EVC: variants seen among roughly 807,000 people sequenced by gnomAD.
The protein encoded by EVC is EvC ciliary complex subunit 1.
A neutral mutation model predicts 118.9 loss-of-function variants in EVC; 116 were observed. The ratio of observed to expected loss-of-function variants is 0.98; its 90% CI spans 0.84 to 1.14. The LOEUF is 1.14. EVC is among the 50% of genes most tolerant of loss of function. EVC has a pLI of 0.00. For synonymous variants in EVC, 619 were observed against 534.7 expected (o/e 1.16, Z -2.18); for missense variants, 1,401 against 1,246.4 (o/e 1.12, Z -1.87).
chr4:5,711,890 C>T (rs1358015174), intron 1 of EVC, among the ~76,000 whole-genome samples: 2 of 152,194 alleles, frequency 1.3e-5, no homozygotes, highest in Admixed American at 1.3e-4. Context: ...GACAGAAGGA[C>T]GGCTGGGGCT....
At chr4:5,774,185 C>T (rs1284286530) in intron 11 of EVC, among the ~76,000 whole-genome samples, 9 of 151,716 alleles carry the variant, frequency 5.9e-5, no homozygotes, top group Non-Finnish European at 1.2e-4. Flanking sequence ...CCATTTCTGG[C>T]TTTGTACCTC....
At position 5,733,452 on chromosome 4, in the gene EVC, G is replaced by A. The variant is rs559719173; in HGVS notation, c.702+17G>A. 8.7e-6 allele frequency: 14 copies of A among 1,603,876 alleles called. No homozygotes were observed. The highest frequency in any genetic ancestry group is 5.0e-5 in the Admixed American group (3 of 59,958). Reference sequence around the variant, plus strand: ...AAGCATATGGTAGGTGGAGATGTTCGCATTCCCTCCTTTTCATGGGGACAG... The same window carrying A: ...AAGCATATGGTAGGTGGAGATGTTCACATTCCCTCCTTTTCATGGGGACAG... On this transcript the variant is annotated intron_variant, in intron 5 of 20. Coordinates refer to ENST00000264956, the MANE Select transcript of EVC (RefSeq NM_153717.3).
intron 11 of EVC, among the ~76,000 whole-genome samples, chr4:5,774,136 C>T (rs1486088833): frequency 3.3e-5 from 5 of 151,892 alleles, no homozygotes; most frequent in Non-Finnish European, 5.9e-5. Flanking sequence ...TCCTGTGCCT[C>T]TGCAACACTC....
chr4:5,722,901 C>G (rs1171703450), intron 2 of EVC, among the ~76,000 whole-genome samples: 1 of 152,206 alleles, frequency 6.6e-6, no homozygotes, highest in East Asian at 1.9e-4. Flanking sequence ...GACACCTGAC[C>G]TTAATGAGGA....
chr4:5,812,072 C>T lies in EVC; in HGVS notation c.*1035C>T, dbSNP rs568194350. 6.8e-6 allele frequency: 1 copy of T among 148,020 alleles called. No homozygotes were observed. The highest frequency in any genetic ancestry group is 1.4e-5 in the Non-Finnish European group (1 of 71,130). The allele number at this position is 148,020 out of a possible 1,614,324, so 9.2% of individuals were successfully genotyped here. ...GAGGCCTTTACCACCTGGAGAGAAG[C>T]TTCCAGACCAGCCCCTCACACCACA... On this transcript the variant is annotated 3_prime_UTR_variant, in exon 21 of 21. Coordinates refer to ENST00000264956, the MANE Select transcript of EVC (RefSeq NM_153717.3).
chr4:5,779,169 C>G (rs987927890), intron 11 of EVC, among the ~76,000 whole-genome samples: 58 of 151,062 alleles, frequency 3.8e-4, no homozygotes, highest in Non-Finnish European at 7.4e-4. Context: ...GGCATTATTT[C>G]TGAGGGCTCT....
At chr4:5,827,578 CCA>C in the EVC span, among the ~76,000 whole-genome samples, 14 of 152,164 alleles carry the variant, frequency 9.2e-5, no homozygotes, top group African/African-American at 2.9e-4. Flanking sequence ...ACACACATGG[CCA>C]CACACACAGA....
chr4:5,772,807 G>A (rs1197277225), intron 11 of EVC, among the ~76,000 whole-genome samples: 1 of 152,072 alleles, frequency 6.6e-6, no homozygotes, highest in East Asian at 1.9e-4. Context: ...TTCCCCCAAG[G>A]GTGCACTTGT....
At chr4:5,815,640 T>C (rs1439666901), downstream of EVC, among the ~76,000 whole-genome samples, 1 of 152,176 alleles carries the variant, frequency 6.6e-6, no homozygotes, top group Non-Finnish European at 1.5e-5. Context: ...GGAAGTCCCT[T>C]GTGCTGTCCC....
intron 1 of EVC, among the ~76,000 whole-genome samples, chr4:5,713,975 G>T (rs73200137): frequency 0.056 from 8,569 of 152,222 alleles, 330 homozygotes; most frequent in Non-Finnish European, 0.089. Context: ...ACCTTCCCCT[G>T]AGCACCTACC....
At chr4:5,825,383 GCTT>G in the EVC span, 53 of 1,463,406 alleles carry the variant, frequency 3.6e-5, no homozygotes, top group South Asian at 6.1e-4. The surrounding 1 kb of genome is among the most constrained non-coding windows in gnomAD (Gnocchi z 4.4). Context: ...TCCCTTCCCT[GCTT>G]CTTCATCTAG....
At chr4:5,726,176 TG>T (rs1195239756) in intron 2 of EVC, among the ~76,000 whole-genome samples, 1 of 152,172 alleles carries the variant, frequency 6.6e-6, no homozygotes, top group African/African-American at 2.4e-5. Flanking sequence ...AATCGGTCAT[TG>T]GTGATGGAGC....
At chr4:5,729,118 A>T (rs62298652) in intron 2 of EVC, among the ~76,000 whole-genome samples, 189 bp from the exon 3 acceptor site, 1 of 151,832 alleles carries the variant, frequency 6.6e-6, no homozygotes, top group Non-Finnish European at 1.5e-5. Context: ...CTATCCATCC[A>T]TCTGTTTGTC....
rs953875760 is a variant in EVC, at chr4:5,811,188, G to T, written c.*151G>T. 8.9e-6 allele frequency: 6 copies of T among 676,650 alleles called. No homozygotes were observed. Among genetic ancestry groups the T allele is most frequent in the African/African-American group, 5.4e-5 (3 of 55,306 alleles). 41.9% of individuals were successfully genotyped at this position (676,650 alleles called of 1,614,324 possible). ...AGGGACAGAGAAAGAATAGAAATGTGCCCTAAAAGCATAAATGAGTATCAC... is the reference window on the plus strand; with the variant it reads ...AGGGACAGAGAAAGAATAGAAATGTTCCCTAAAAGCATAAATGAGTATCAC... On this transcript the variant is annotated 3_prime_UTR_variant, in exon 21 of 21. Coordinates refer to ENST00000264956, the MANE Select transcript of EVC (RefSeq NM_153717.3).
chr4:5,804,518 C>T (rs994587471), intron 16 of EVC, among the ~76,000 whole-genome samples: 1 of 152,140 alleles, frequency 6.6e-6, no homozygotes, highest in African/African-American at 2.4e-5. Context: ...AGCAGGTGGA[C>T]AGGGCGCATC....
intron 11 of EVC, among the ~76,000 whole-genome samples, chr4:5,767,787 C>G (rs1221539685): frequency 6.6e-6 from 1 of 152,186 alleles, no homozygotes; most frequent in Non-Finnish European, 1.5e-5. Context: ...ACCCACTGAC[C>G]TGCGCCCACT....
At chr4:5,782,123 G>T (rs1220387605) in intron 11 of EVC, among the ~76,000 whole-genome samples, 1 of 152,130 alleles carries the variant, frequency 6.6e-6, no homozygotes, top group Non-Finnish European at 1.5e-5. Flanking sequence ...TGTCACCCAA[G>T]TTGGAGTGCA....
At chr4:5,817,527 T>C (rs1717899915), downstream of EVC, among the ~76,000 whole-genome samples, 1 of 152,226 alleles carries the variant, frequency 6.6e-6, no homozygotes, top group Admixed American at 6.5e-5. Context: ...TCTTTTCCTC[T>C]AAAATCTCTG....
downstream of EVC, among the ~76,000 whole-genome samples, chr4:5,816,375 A>G (rs1312186460): frequency 6.6e-6 from 1 of 152,182 alleles, no homozygotes; most frequent in African/African-American, 2.4e-5. Flanking sequence ...TCCCTGCGTG[A>G]GCATGGAGGC....
Sources: gnomAD v4.1 joint callset for allele counts (sites outside exome capture counted in the v4.1 genomes callset) on GRCh38, gnomAD v4.1.1 for gene constraint, Gnocchi (gnomAD v3.1) non-coding constraint, MANE v1.5 for transcripts, NCBI Gene and HGNC (gene_info 2026-07-23, HGNC 2026-07-21) for gene names.